Variants in CDH13 observed in about 807,000 individuals in gnomAD.
The protein encoded by CDH13 is cadherin-13.
Under a neutral mutation model 63.8 loss-of-function variants are expected in CDH13, and 24 were observed. That is an observed-to-expected ratio of 0.38 (90% CI 0.27 to 0.53). The LOEUF (loss-of-function observed/expected upper bound fraction) is 0.53, where lower values mean the gene tolerates loss of function less well. Ranked by LOEUF, CDH13 falls within the 20% of genes least tolerant of loss-of-function variation. The probability of loss-of-function intolerance (pLI) is 0.85; values close to 1 mark genes in which losing one functional copy is unlikely to be tolerated. For synonymous variants in CDH13, 503 were observed against 355.3 expected (o/e 1.42, Z -4.67); for missense variants, 1,049 against 903.1 (o/e 1.16, Z -2.07).
At position 82,870,191 on chromosome 16, in the gene CDH13, TG is replaced by T. The variant is rs564413951; in HGVS notation, c.157+11721del. 1.4e-3 allele frequency among the ~76,000 whole-genome samples: 213 copies of T among 151,892 alleles called. 2 individuals are homozygous for T. The highest frequency in any genetic ancestry group is 2.7e-3 in the Non-Finnish European group (183 of 67,962). ...TTGACGTTTCTCAAAGGAAGACAAA[TG>T]GGTAACAGGTATATGAAAAAATGTC... On this transcript the variant is annotated intron_variant, in intron 2 of 13. Coordinates refer to ENST00000567109, the MANE Select transcript of CDH13 (RefSeq NM_001257.5).
chr16:82,894,818 C>T (rs565892150), intron 2 of CDH13, among the ~76,000 whole-genome samples: 16 of 152,288 alleles, frequency 1.1e-4, no homozygotes, highest in Non-Finnish European at 1.9e-4. Context: ...AGGCAAGTGA[C>T]GTGAATATGT....
intron 1 of CDH13, among the ~76,000 whole-genome samples, chr16:82,681,203 A>C (rs1914505816): frequency 6.6e-6 from 1 of 152,258 alleles, no homozygotes; most frequent in South Asian, 2.1e-4. Flanking sequence ...AAGTACTCTT[A>C]CATGCAATAA....
intron 6 of CDH13, among the ~76,000 whole-genome samples, chr16:83,368,444 G>A (rs2091294797): frequency 6.6e-6 from 1 of 152,054 alleles, no homozygotes; most frequent in Admixed American, 6.6e-5. Flanking sequence ...TTTTATTTGA[G>A]CCATGATTGA....
chr16:83,051,048 TTTTAAG>T (rs1401671931), intron 3 of CDH13, among the ~76,000 whole-genome samples: 3 of 152,342 alleles, frequency 2.0e-5, no homozygotes, highest in African/African-American at 4.8e-5. Flanking sequence ...GGCCACTTTC[TTTTAAG>T]TTTATCTTTC....
At chr16:82,664,591 G>C (rs1043689269) in intron 1 of CDH13, among the ~76,000 whole-genome samples, 2 of 152,184 alleles carry the variant, frequency 1.3e-5, no homozygotes, top group African/African-American at 4.8e-5. Flanking sequence ...TGATGACTGG[G>C]AGAAAGGACC....
chr16:82,938,751 A>G (rs182053261), intron 2 of CDH13, among the ~76,000 whole-genome samples: 18 of 152,364 alleles, frequency 1.2e-4, no homozygotes, highest in African/African-American at 4.8e-5. Flanking sequence ...AGGGTGCAGT[A>G]TTAAGCTATG....
At chr16:83,317,816 G>A (rs76225392) in intron 5 of CDH13, among the ~76,000 whole-genome samples, 16,006 of 149,842 alleles carry the variant, frequency 0.11, 930 homozygotes, top group Non-Finnish European at 0.12. Flanking sequence ...AAAAAAAAAA[G>A]GAATCCAGTC....
chr16:83,046,309 T>C (rs1277284349), intron 3 of CDH13, among the ~76,000 whole-genome samples: 1 of 152,104 alleles, frequency 6.6e-6, no homozygotes, highest in African/African-American at 2.4e-5. Flanking sequence ...GTAGCAACCA[T>C]CAAAAAACAA....
intron 3 of CDH13, among the ~76,000 whole-genome samples, chr16:83,034,093 G>T (rs929058619): frequency 6.6e-6 from 1 of 152,076 alleles, no homozygotes; most frequent in Non-Finnish European, 1.5e-5. Flanking sequence ...GCATCATATA[G>T]CTTCTTTATC....
intron 10 of CDH13, among the ~76,000 whole-genome samples, chr16:83,711,763 G>A (rs889806944): frequency 5.3e-5 from 8 of 152,118 alleles, no homozygotes; most frequent in East Asian, 1.9e-4. Context: ...ATGATCCACC[G>A]CCTTGGCCTC....
At chr16:83,364,481 T>C (rs2091222061) in intron 6 of CDH13, among the ~76,000 whole-genome samples, 1 of 152,176 alleles carries the variant, frequency 6.6e-6, no homozygotes, top group Admixed American at 6.5e-5. Flanking sequence ...ACAGGAAACT[T>C]ACCTAAGTCT....
intron 6 of CDH13, among the ~76,000 whole-genome samples, chr16:83,349,490 A>G (rs933383656): frequency 1.3e-5 from 2 of 152,146 alleles, no homozygotes; most frequent in Non-Finnish European, 2.9e-5. Context: ...TGAGATGAAG[A>G]TTGAGGCCTG....
At chr16:83,569,998 G>T (rs1403303004) in intron 7 of CDH13, among the ~76,000 whole-genome samples, 1 of 152,182 alleles carries the variant, frequency 6.6e-6, no homozygotes, top group Non-Finnish European at 1.5e-5. Context: ...GCCTCCCAAA[G>T]TGCTTGGATT....
intron 1 of CDH13, among the ~76,000 whole-genome samples, chr16:82,737,496 T>C (rs2033732080): frequency 6.6e-6 from 1 of 152,164 alleles, no homozygotes; most frequent in South Asian, 2.1e-4. Flanking sequence ...AAGAGAGGGG[T>C]GGTCTGATGA....
intron 6 of CDH13, among the ~76,000 whole-genome samples, chr16:83,469,110 GA>G (rs1288660936): frequency 2.0e-5 from 3 of 152,180 alleles, no homozygotes; most frequent in Admixed American, 2.0e-4. Flanking sequence ...GTGTTTCCAG[GA>G]GGTGGAATTC....
At chr16:83,252,107 T>TTCACACACACACAC (rs369937109) in intron 5 of CDH13, among the ~76,000 whole-genome samples, 7 of 135,958 alleles carry the variant, frequency 5.1e-5, no homozygotes, top group African/African-American at 1.9e-4. Flanking sequence ...ATATATATTA[T>TTCACACACACACAC]ACACACACAC....
intron 5 of CDH13, among the ~76,000 whole-genome samples, chr16:83,274,765 A>G (rs1002632085): frequency 6.6e-6 from 1 of 152,178 alleles, no homozygotes; most frequent in East Asian, 1.9e-4. Context: ...CTTGGGCCCC[A>G]CGCCAGATCT....
At chr16:83,260,405 A>G (rs1398997012) in intron 5 of CDH13, among the ~76,000 whole-genome samples, 1 of 152,294 alleles carries the variant, frequency 6.6e-6, no homozygotes, top group Non-Finnish European at 1.5e-5. Flanking sequence ...TAAATTTTTT[A>G]TTAGTATCTA....
intron 2 of CDH13, among the ~76,000 whole-genome samples, chr16:83,020,902 A>C (rs754586343): frequency 8.5e-5 from 13 of 152,166 alleles, no homozygotes; most frequent in Admixed American, 2.6e-4. Flanking sequence ...TCCCTAGACA[A>C]CCCCAACTGC....
Sources: gnomAD v4.1 joint callset for allele counts (sites outside exome capture counted in the v4.1 genomes callset) on GRCh38, gnomAD v4.1.1 for gene constraint, MANE v1.5 for transcripts, NCBI Gene and HGNC (gene_info 2026-07-23, HGNC 2026-07-21) for gene names.